Variants in JAKMIP1 observed in about 807,000 individuals in gnomAD.
The protein encoded by JAKMIP1 is janus kinase and microtubule interacting protein 1.
JAKMIP1 carries 33 observed loss-of-function variants against 113.0 expected under a neutral mutation model. The observed-to-expected ratio is 0.29, with a 90% confidence interval of 0.22 to 0.39. The LOEUF is 0.39. JAKMIP1 is among the 10% of genes least tolerant of loss of function. The pLI is 1.00. For synonymous variants in JAKMIP1, 480 were observed against 459.9 expected (o/e 1.04, Z -0.56); for missense variants, 813 against 1,080.5 (o/e 0.75, Z 3.47).
chr4:6,064,762 G>T lies in JAKMIP1; in HGVS notation c.1431+118C>A. 7.6e-7 allele frequency: 1 copy of T among 1,309,646 alleles called. No homozygotes were observed. The allele number at this position is 1,309,646 out of a possible 1,614,324, so 81.1% of individuals were successfully genotyped here. Reference sequence around the variant, plus strand: ...CTTTGATAATGCACTGGTAGGAACTGGTCATCTGGGGTTCAGAACTATAGG... The same window carrying T: ...CTTTGATAATGCACTGGTAGGAACTTGTCATCTGGGGTTCAGAACTATAGG... On this transcript the variant is annotated intron_variant, in intron 9 of 20. Coordinates refer to ENST00000409021, the MANE Select transcript of JAKMIP1 (RefSeq NM_001099433.2). The surrounding 1 kb of genome is among the most constrained non-coding windows in gnomAD (Gnocchi z 4.3).
At chr4:6,152,789 AATATAT>A (rs35192547) in intron 1 of JAKMIP1, among the ~76,000 whole-genome samples, 5 of 135,294 alleles carry the variant, frequency 3.7e-5, no homozygotes, top group African/African-American at 8.6e-5. Flanking sequence ...TAAAAATACA[AATATAT>A]ATATATATAT....
intron 16 of JAKMIP1, among the ~76,000 whole-genome samples, chr4:6,045,133 G>T (rs555425834): frequency 6.6e-6 from 1 of 152,232 alleles, no homozygotes; most frequent in Non-Finnish European, 1.5e-5. Context: ...CCAAGGCTTC[G>T]ACTCACGGCC....
At chr4:6,160,702 G>A (rs1357094480) in intron 1 of JAKMIP1, among the ~76,000 whole-genome samples, 1 of 151,934 alleles carries the variant, frequency 6.6e-6, no homozygotes, top group Non-Finnish European at 1.5e-5. Flanking sequence ...CAGCCTCCAC[G>A]CCTCCCTGCC....
chr4:6,080,226 C>T lies in JAKMIP1; in HGVS notation c.1188G>A (p.Glu396=), dbSNP rs769227369. The part of the protein sequence containing the change: ...LSLTRDEQEI[E]FLRLQVLEQQ... Reference sequence around the variant, plus strand: ...GCTCCAGCACCTGCAGCCTCAGGAACTCGATCTCCTGCTCATCCCTCGTCA... The same window carrying T: ...GCTCCAGCACCTGCAGCCTCAGGAATTCGATCTCCTGCTCATCCCTCGTCA... The change falls in exon 7 of 21, where the codon GAG becomes GAA. Residue 396 remains glutamate, a synonymous_variant. Coordinates refer to ENST00000409021, the MANE Select transcript of JAKMIP1 (RefSeq NM_001099433.2). This position sits in a 1 kb window ranked among gnomAD's most constrained non-coding sequence, Gnocchi z 6.0. The T allele has an allele frequency of 3.1e-6, 5 of 1,614,046 alleles. No homozygotes were observed. The highest frequency in any genetic ancestry group is 1.7e-5 in the Admixed American group (1 of 60,012).
intron 1 of JAKMIP1, among the ~76,000 whole-genome samples, chr4:6,126,330 GCAGAAACA>G (rs1717601130): frequency 4.2e-5 from 3 of 72,280 alleles, no homozygotes; most frequent in African/African-American, 6.0e-5. Context: ...CATACACCTT[GCAGAAACA>G]CACACACACA....
chr4:6,177,255 A>C (rs1725449269), intron 1 of JAKMIP1, among the ~76,000 whole-genome samples: 1 of 152,156 alleles, frequency 6.6e-6, no homozygotes, highest in South Asian at 2.1e-4. Context: ...GACTTTAAGA[A>C]AGGCCATCTG....
chr4:6,064,716 G>T lies in JAKMIP1; in HGVS notation c.1431+164C>A, dbSNP rs562525919. Reference sequence around the variant, plus strand: ...CATGGAGCCCACAGCTGTGGGGCCCGCCTTCCCTTCACACCATTGGCTTTG... The same window carrying T: ...CATGGAGCCCACAGCTGTGGGGCCCTCCTTCCCTTCACACCATTGGCTTTG... On this transcript the variant is annotated intron_variant, in intron 9 of 20. Transcript: ENST00000409021. The surrounding 1 kb of genome is among the most constrained non-coding windows in gnomAD (Gnocchi z 4.3). Among the ~76,000 whole-genome samples, 7 of 152,086 alleles carry T rather than the reference G, an allele frequency of 4.6e-5. No individual in the cohort carries two copies. The highest frequency in any genetic ancestry group is 1.5e-5 in the Non-Finnish European group (1 of 68,024).
rs1486174440 is a variant in JAKMIP1 at position 6,153,421 on chromosome 4, C to T, written c.-147-40424G>A. On this transcript the variant is annotated intron_variant, in intron 1 of 20. Coordinates refer to ENST00000409021, the MANE Select transcript of JAKMIP1 (RefSeq NM_001099433.2). The surrounding 1 kb of genome is among the most constrained non-coding windows in gnomAD (Gnocchi z 4.9). The stretch of plus-strand genomic sequence containing the variant: ...CCTTGTGACCCTGGCCCTCTCTAGG[C>T]TTCAATTTCATGTTTTGAAAAATGA... 1.3e-5 allele frequency among the ~76,000 whole-genome samples: 2 copies of T among 152,228 alleles called. No individual in the cohort carries two copies. The highest frequency in any genetic ancestry group is 2.9e-5 in the Non-Finnish European group (2 of 68,040).
chr4:6,111,014 C>A (rs1265379851), intron 2 of JAKMIP1, among the ~76,000 whole-genome samples: 1 of 152,094 alleles, frequency 6.6e-6, no homozygotes, highest in East Asian at 1.9e-4. Context: ...GGCCTGGAAT[C>A]TTGAACACCT....
rs369771498 is a variant in JAKMIP1, at chr4:6,040,028, C to A, written c.2175+611G>T. Among the ~76,000 whole-genome samples the A allele has an allele frequency of 6.6e-6, 1 of 152,202 alleles. No individual in the cohort carries two copies. Among genetic ancestry groups the A allele is most frequent in the Non-Finnish European group, 1.5e-5 (1 of 68,038 alleles). On this transcript the variant is annotated intron_variant, in intron 18 of 20. Transcript: ENST00000409021. The surrounding 1 kb of genome is among the most constrained non-coding windows in gnomAD (Gnocchi z 5.8). ...GAACTCTAAATTCTCTCTCCTGCAG[C>A]GACAAGTTTCTATGATCTTACTCAA... is the stretch of plus-strand genomic sequence containing the variant.
chr4:6,072,080 C>A (rs758018546), intron 8 of JAKMIP1, among the ~76,000 whole-genome samples: 4 of 152,228 alleles, frequency 2.6e-5, no homozygotes, highest in Non-Finnish European at 4.4e-5. Flanking sequence ...CTACAGGTAG[C>A]TGCTCCATGT....
At chr4:6,096,031 C>A (rs1040837626) in intron 3 of JAKMIP1, among the ~76,000 whole-genome samples, 9 of 152,184 alleles carry the variant, frequency 5.9e-5, no homozygotes, top group African/African-American at 2.2e-4. Flanking sequence ...GAACAAGGGA[C>A]ACTGAGGTGG....
chr4:6,149,382 C>T (rs1721281693), intron 1 of JAKMIP1, among the ~76,000 whole-genome samples: 1 of 152,186 alleles, frequency 6.6e-6, no homozygotes, highest in African/African-American at 2.4e-5. Flanking sequence ...CAGGCCCACC[C>T]AGGCCACCCA....
intron 8 of JAKMIP1, among the ~76,000 whole-genome samples, chr4:6,072,009 C>T (rs570275191): frequency 6.6e-6 from 1 of 152,260 alleles, no homozygotes; most frequent in Non-Finnish European, 1.5e-5. Context: ...CTGAGTCATG[C>T]AAGAAGCTGC....
chr4:6,093,889 G>A lies in JAKMIP1; in HGVS notation c.625-8260C>T, dbSNP rs2108847760. 6.6e-6 allele frequency among the ~76,000 whole-genome samples: 1 copy of A among 152,102 alleles called. No individual in the cohort carries two copies. The highest frequency in any genetic ancestry group is 1.9e-4 in the East Asian group (1 of 5,146). ...TGTGTCTGGTCAACCTGTGTGCAGG[G>A]CTCCAGAGTCCCACCTGCCCAGGAG... On this transcript the variant is annotated intron_variant, in intron 3 of 20. Coordinates refer to ENST00000409021, the MANE Select transcript of JAKMIP1 (RefSeq NM_001099433.2). This position sits in a 1 kb window ranked among gnomAD's most constrained non-coding sequence, Gnocchi z 4.6.
Position 6,147,306 on chromosome 4 carries a change from G to T in JAKMIP1, c.-147-34309C>A, listed in dbSNP as rs368712558. On this transcript the variant is annotated intron_variant, in intron 1 of 20. Coordinates refer to ENST00000409021, the MANE Select transcript of JAKMIP1 (RefSeq NM_001099433.2). ...TGTTTTTTTGTTTTGTTTTGTTTTG[G>T]TTTGGTTCGGTTTTTTATTTTAAAG... is the stretch of plus-strand genomic sequence containing the variant. Among the ~76,000 whole-genome samples, 14 of 150,172 alleles carry T rather than the reference G, an allele frequency of 9.3e-5. No homozygotes were observed. In the East Asian group the frequency reaches 1.4e-3, roughly 15 times the overall value.
At chr4:6,073,186 A>G (rs1719230592) in intron 8 of JAKMIP1, among the ~76,000 whole-genome samples, 1 of 151,622 alleles carries the variant, frequency 6.6e-6, no homozygotes, top group African/African-American at 2.4e-5. Flanking sequence ...GCTTGGCCTC[A>G]GGGGTGTCCT....
chr4:6,096,266 T>A (rs879850169), intron 3 of JAKMIP1, among the ~76,000 whole-genome samples: 1 of 152,262 alleles, frequency 6.6e-6, no homozygotes, highest in Non-Finnish European at 1.5e-5. Context: ...TTGCATTTCA[T>A]GACCGGTGAG....
At chr4:6,085,388 G>C (rs746802456) in intron 4 of JAKMIP1, 32 bp downstream of exon 4, 5 of 1,601,632 alleles carry the variant, frequency 3.1e-6, no homozygotes, top group Non-Finnish European at 4.3e-6. Context: ...TGGGGGACCA[G>C]CCTGAGGCTG....
Sources: gnomAD v4.1 joint callset for allele counts (sites outside exome capture counted in the v4.1 genomes callset) on GRCh38, gnomAD v4.1.1 for gene constraint, Gnocchi (gnomAD v3.1) non-coding constraint, MANE v1.5 for transcripts, NCBI Gene and HGNC (gene_info 2026-07-23, HGNC 2026-07-21) for gene names.